Variants in GXYLT1 observed in about 807,000 individuals in gnomAD.
The protein encoded by GXYLT1 is glucoside xylosyltransferase 1, also known as glycosyltransferase 8 domain containing 3.
GXYLT1 carries 29 observed loss-of-function variants against 54.0 expected under a neutral mutation model. That is an observed-to-expected ratio of 0.54 (90% CI 0.40 to 0.73). GXYLT1 has a LOEUF of 0.73. GXYLT1 is among the 30% of genes least tolerant of loss of function. The probability of loss-of-function intolerance (pLI) is 0.00; values close to 1 mark genes in which losing one functional copy is unlikely to be tolerated. For missense variants in GXYLT1, 490 were observed against 553.4 expected (o/e 0.89, Z 1.15); for synonymous variants, 176 against 204.1 (o/e 0.86, Z 1.17).
At position 42,092,146 on chromosome 12, in the gene GXYLT1, T is replaced by A. The variant is rs138301707; in HGVS notation, c.1162-4199A>T. Among the ~76,000 whole-genome samples the A allele has an allele frequency of 1.8e-4, 27 of 152,328 alleles. No homozygotes were observed. In the East Asian group the frequency reaches 4.2e-3, roughly 24 times the overall value. On this transcript the variant is annotated intron_variant, in intron 7 of 7. Coordinates refer to ENST00000398675, the MANE Select transcript of GXYLT1 (RefSeq NM_173601.2). ...ATGGATTATAGTGAAGTGTTTTTAT[T>A]CTCACTGCTATTGATGAGGCTACAT...
At position 42,144,412 on chromosome 12, in the gene GXYLT1, G is replaced by A. The variant is rs770309802; in HGVS notation, c.221+14C>T. On this transcript the variant is annotated intron_variant, in intron 1 of 7. Transcript: ENST00000398675. ...CGCGCCCGCCGCGTCCCCCACACCG[G>A]GAACTGCCCGTACCTGTCCGACACG... 12 of 1,344,436 alleles carry A rather than the reference G, an allele frequency of 8.9e-6. No homozygotes were observed. In the South Asian group the frequency reaches 1.6e-4, roughly 18 times the overall value. The allele number at this position is 1,344,436 out of a possible 1,614,324, so 83.3% of individuals were successfully genotyped here. A position where few individuals can be genotyped will look rare whatever the true frequency, so the allele number is the denominator to read the frequency against.
intron 1 of GXYLT1, among the ~76,000 whole-genome samples, chr12:42,140,924 G>A (rs1592130242): frequency 2.0e-5 from 3 of 152,326 alleles, no homozygotes; most frequent in African/African-American, 7.2e-5. Context: ...ATGCAACAAA[G>A]TGGTATGAAT....
intron 7 of GXYLT1, among the ~76,000 whole-genome samples, chr12:42,090,542 C>T (rs780271139): frequency 1.3e-5 from 2 of 152,182 alleles, no homozygotes; most frequent in African/African-American, 2.4e-5. Flanking sequence ...GCCCAGTACA[C>T]TGATTTTTAG....
intron 2 of GXYLT1, among the ~76,000 whole-genome samples, chr12:42,124,708 T>A (rs973732449): frequency 3.9e-5 from 6 of 152,214 alleles, no homozygotes; most frequent in African/African-American, 1.4e-4. Flanking sequence ...TCATTCTTTT[T>A]AAAAAATATT....
At chr12:42,097,666 T>C (rs1035245531) in intron 6 of GXYLT1, 52 bp from the exon 7 acceptor site, 1 of 1,443,476 alleles carries the variant, frequency 6.9e-7, no homozygotes, top group Non-Finnish European at 9.5e-7. Flanking sequence ...ATTCCACAGA[T>C]GTAACATTAT....
intron 1 of GXYLT1, 34 bp from the exon 2 acceptor site, chr12:42,129,885 T>C: frequency 2.8e-6 from 4 of 1,418,216 alleles, no homozygotes; most frequent in Non-Finnish European, 4.0e-6. Flanking sequence ...GAGTCCTGTG[T>C]GAGTATTTTG....
chr12:42,118,126 A>G (rs1044034590), intron 3 of GXYLT1, among the ~76,000 whole-genome samples: 1 of 152,202 alleles, frequency 6.6e-6, no homozygotes, highest in Non-Finnish European at 1.5e-5. Context: ...ATAAACTTCA[A>G]TCCTGTTTAA....
chr12:42,094,327 G>T (rs2065343703), intron 7 of GXYLT1, among the ~76,000 whole-genome samples: 1 of 150,558 alleles, frequency 6.6e-6, no homozygotes, highest in Non-Finnish European at 1.5e-5. Context: ...CTCCAGCCTG[G>T]GTGACAAGAG....
At chr12:42,113,215 T>C (rs1384249896) in intron 3 of GXYLT1, among the ~76,000 whole-genome samples, 1 of 151,018 alleles carries the variant, frequency 6.6e-6, no homozygotes, top group African/African-American at 2.5e-5. Flanking sequence ...AGGAAGAAAC[T>C]ACATGAACTA....
intron 3 of GXYLT1, among the ~76,000 whole-genome samples, chr12:42,111,901 T>C (rs889076290): frequency 1.3e-5 from 2 of 152,202 alleles, no homozygotes; most frequent in Non-Finnish European, 2.9e-5. Context: ...AGGGGCGGAC[T>C]GACACCTCAC....
chr12:42,092,356 A>G (rs1270952160), intron 7 of GXYLT1, among the ~76,000 whole-genome samples: 2 of 152,228 alleles, frequency 1.3e-5, no homozygotes, highest in Non-Finnish European at 2.9e-5. Context: ...GAGTGATCAC[A>G]TGTATTAATA....
At chr12:42,116,039 C>T (rs1442443546) in intron 3 of GXYLT1, among the ~76,000 whole-genome samples, 2 of 151,988 alleles carry the variant, frequency 1.3e-5, no homozygotes, top group Admixed American at 1.3e-4. Flanking sequence ...AAAGGATTCC[C>T]TATTTAATAA....
chr12:42,087,902 C>G lies in GXYLT1; in HGVS notation c.1207G>C (p.Glu403Gln), dbSNP rs1210846975. 2.5e-6 allele frequency: 4 copies of G among 1,585,892 alleles called. No individual in the cohort carries two copies. The highest frequency in any genetic ancestry group is 3.4e-6 in the Non-Finnish European group (4 of 1,163,662). ...DNIRSLLKPL[E>Q]LELQKTVHTY... is the part of the protein sequence containing the mutation. The stretch of plus-strand genomic sequence containing the variant: ...TGCACTGTTTTTTGTAGTTCCAGTT[C>G]TAAAGGTTTTAATAAGGAACGGATG... Residue 403 changes from glutamate (E) to glutamine (Q), a missense_variant, in exon 8 of 8, where the codon GAA becomes CAA. Coordinates refer to ENST00000398675, the MANE Select transcript of GXYLT1 (RefSeq NM_173601.2).
chr12:42,104,346 ACTAT>A (rs1274252479), intron 5 of GXYLT1, among the ~76,000 whole-genome samples: 4 of 151,836 alleles, frequency 2.6e-5, no homozygotes, highest in Non-Finnish European at 2.9e-5. Flanking sequence ...CAATCATGTT[ACTAT>A]CTTAGTTTTA....
intron 1 of GXYLT1, among the ~76,000 whole-genome samples, chr12:42,130,428 T>C (rs2065587406): frequency 6.6e-6 from 1 of 151,598 alleles, no homozygotes; most frequent in Non-Finnish European, 1.5e-5. Context: ...TGAGAGAACA[T>C]CTCACCCAGT....
At chr12:42,120,117 T>A (rs2065521791) in intron 2 of GXYLT1, among the ~76,000 whole-genome samples, 1 of 152,202 alleles carries the variant, frequency 6.6e-6, no homozygotes, top group South Asian at 2.1e-4. Flanking sequence ...CATTCAATTT[T>A]TTAAAAACAT....
At chr12:42,139,251 A>G (rs1307826364) in intron 1 of GXYLT1, among the ~76,000 whole-genome samples, 1 of 151,786 alleles carries the variant, frequency 6.6e-6, no homozygotes, top group Admixed American at 6.6e-5. Context: ...TTTTTTCATC[A>G]ACCAAGTAAC....
In GXYLT1 at chr12:42,097,562, T is replaced by A; in HGVS notation, c.1041A>T (p.Ile347=). 6.2e-7 allele frequency: 1 copy of A among 1,612,318 alleles called. No homozygotes were observed. The highest frequency in any genetic ancestry group is 1.1e-5 in the South Asian group (1 of 90,858). Residue 347 remains isoleucine, a synonymous_variant, in exon 7 of 8, where the codon ATA becomes ATT. Transcript: ENST00000398675. ...CTGCTTCTTGGCAATTGCTTCCATA[T>A]ATACAATGATCTGGTCGATAATTCC... The part of the protein sequence containing the change: ...CQWNYRPDHC[I]YGSNCQEAEE...
chr12:42,111,569 G>C (rs1227691606), intron 3 of GXYLT1, among the ~76,000 whole-genome samples: 1 of 152,224 alleles, frequency 6.6e-6, no homozygotes, highest in Non-Finnish European at 1.5e-5. Flanking sequence ...CAAGGCGACA[G>C]CCAGGCTGGA....
Sources: gnomAD v4.1 joint callset for allele counts (sites outside exome capture counted in the v4.1 genomes callset) on GRCh38, gnomAD v4.1.1 for gene constraint, MANE v1.5 for transcripts, NCBI Gene and HGNC (gene_info 2026-07-23, HGNC 2026-07-21) for gene names.